Variants in DIAPH2 observed in about 807,000 individuals in gnomAD.
The protein encoded by DIAPH2 is protein diaphanous homolog 2.
DIAPH2 carries 35 observed loss-of-function variants against 92.7 expected under a neutral mutation model. That is an observed-to-expected ratio of 0.38 (90% confidence interval 0.29 to 0.50). The LOEUF (loss-of-function observed/expected upper bound fraction) is 0.50, where lower values mean the gene tolerates loss of function less well. Among genes scored for constraint, DIAPH2 ranks in the 20% least tolerant of loss-of-function variants. DIAPH2 has a pLI of 0.94. For missense variants in DIAPH2, 701 were observed against 819.5 expected, an observed-to-expected ratio of 0.86 and a Z score of 1.77; for synonymous variants, 301 against 280.4, an observed-to-expected ratio of 1.07 and a Z score of -0.73.
intron 22 of DIAPH2, among the ~76,000 whole-genome samples, chrX:97,150,328 A>G (rs112405935): frequency 6.4e-4 from 72 of 112,085 alleles, no homozygotes; most frequent in African/African-American, 2.1e-3. Context: ...AGTAAAAACA[A>G]TATCTTCAGG....
intron 16 of DIAPH2, among the ~76,000 whole-genome samples, chrX:96,962,801 A>G (rs1319697964): frequency 1.8e-5 from 2 of 108,541 alleles, no homozygotes; most frequent in Admixed American, 9.9e-5. Context: ...CATTTTGTTA[A>G]TTGTTTTCTG....
chrX:97,275,457 C>T (rs879171332), intron 23 of DIAPH2, among the ~76,000 whole-genome samples: 1 of 101,341 alleles, frequency 9.9e-6, no homozygotes, highest in African/African-American at 3.4e-5. Flanking sequence ...GGCTGCCGGG[C>T]GGAGACGCTC....
chrX:97,009,509 G>A (rs754884015), intron 17 of DIAPH2, among the ~76,000 whole-genome samples: 17 of 112,044 alleles, frequency 1.5e-4, no homozygotes, highest in African/African-American at 4.5e-4. Flanking sequence ...CTCCCTGTAG[G>A]CATCAAAGCT....
chrX:96,979,550 A>G (rs1231415188), intron 17 of DIAPH2, among the ~76,000 whole-genome samples: 1 of 112,335 alleles, frequency 8.9e-6, no homozygotes, highest in Non-Finnish European at 1.9e-5. Context: ...TATTTAGATG[A>G]CACTTCCATC....
chrX:97,132,876 G>T (rs1019456805), intron 21 of DIAPH2, among the ~76,000 whole-genome samples: 1 of 111,166 alleles, frequency 9.0e-6, no homozygotes, highest in Non-Finnish European at 1.9e-5. Flanking sequence ...ATGTTGCTAT[G>T]TGTTAGGAAT....
intron 24 of DIAPH2, among the ~76,000 whole-genome samples, chrX:97,373,269 A>G (rs1406030273): frequency 9.0e-6 from 1 of 110,588 alleles, no homozygotes; most frequent in Non-Finnish European, 1.9e-5. Context: ...GAAACTTACC[A>G]TTCGAAAGTG....
At chrX:97,525,700 A>G (rs1287642629) in intron 26 of DIAPH2, among the ~76,000 whole-genome samples, 1 of 112,438 alleles carries the variant, frequency 8.9e-6, no homozygotes, top group Admixed American at 9.4e-5. Flanking sequence ...ATATCAAAGA[A>G]TACAATATTC....
At chrX:97,275,606 C>T (rs1407793245) in intron 23 of DIAPH2, among the ~76,000 whole-genome samples, 12 of 104,077 alleles carry the variant, frequency 1.2e-4, no homozygotes, top group South Asian at 4.5e-4. Flanking sequence ...TCAGACGGGG[C>T]GGCCGGGCGG....
intron 17 of DIAPH2, among the ~76,000 whole-genome samples, chrX:97,017,524 A>G (rs2066268632): frequency 8.9e-6 from 1 of 112,086 alleles, no homozygotes; most frequent in African/African-American, 3.2e-5. Flanking sequence ...TGTTCAATGT[A>G]AGTTCCACTG....
chrX:96,786,730 A>G lies in DIAPH2; in HGVS notation c.447+28472A>G, dbSNP rs768982912. On this transcript the variant is annotated intron_variant, in intron 4 of 26. Transcript: ENST00000324765. ...ATCCTTTTACTTTACTCCAGCAATA[A>G]TTTAATGTTTTGTTTTGCATACTAG... is the stretch of plus-strand genomic sequence containing the variant. Among the ~76,000 whole-genome samples the G allele has an allele frequency of 3.6e-5, 4 of 111,750 alleles. No individual in the cohort carries two copies. In the Admixed American group the frequency reaches 3.8e-4, roughly 11 times the overall value.
At chrX:97,084,486 A>C (rs936606601) in intron 19 of DIAPH2, among the ~76,000 whole-genome samples, 1 of 111,278 alleles carries the variant, frequency 9.0e-6, no homozygotes, top group African/African-American at 3.3e-5. Context: ...AATTATCAGC[A>C]GGGTGATAAT....
At chrX:96,811,691 T>G (rs1318679910) in intron 4 of DIAPH2, among the ~76,000 whole-genome samples, 1 of 111,930 alleles carries the variant, frequency 8.9e-6, no homozygotes, top group African/African-American at 3.3e-5. Context: ...TTGAGATACA[T>G]TCTGTCAATA....
intron 19 of DIAPH2, among the ~76,000 whole-genome samples, chrX:97,095,102 T>A (rs937836887): frequency 8.3e-5 from 2 of 24,084 alleles, no homozygotes; most frequent in East Asian, 9.8e-4. Context: ...CTTTTTCTTT[T>A]TTTTTTTTTT....
intron 4 of DIAPH2, 142 bp downstream of exon 4, chrX:96,758,400 T>A (rs1439869706): frequency 5.4e-6 from 2 of 369,351 alleles, no homozygotes; most frequent in Non-Finnish European, 9.1e-6. Context: ...ATATATGTTA[T>A]ACATTTAGTA....
chrX:97,268,553 G>A (rs1569345980), intron 23 of DIAPH2, among the ~76,000 whole-genome samples: 1 of 112,202 alleles, frequency 8.9e-6, no homozygotes, highest in Non-Finnish European at 1.9e-5. Context: ...TTGTTGTGGT[G>A]TGGTCTATTG....
At chrX:97,048,703 G>A (rs1272507527) in intron 17 of DIAPH2, among the ~76,000 whole-genome samples, 1 of 110,984 alleles carries the variant, frequency 9.0e-6, no homozygotes, top group Non-Finnish European at 1.9e-5. Context: ...TTGGCACTCA[G>A]CATTCTACTG....
chrX:96,983,684 TGAGA>T (rs937769478), intron 17 of DIAPH2, among the ~76,000 whole-genome samples: 4 of 111,124 alleles, frequency 3.6e-5, no homozygotes, highest in Non-Finnish European at 5.7e-5. Context: ...TAAGGTTTAT[TGAGA>T]GAGAGAGAGA....
chrX:97,422,114 T>C (rs1207302443), intron 25 of DIAPH2, among the ~76,000 whole-genome samples: 1 of 111,686 alleles, frequency 9.0e-6, no homozygotes, highest in East Asian at 2.8e-4. Context: ...AATATCATGA[T>C]TGTGGTGGTA....
chrX:96,891,586 T>C (rs1039564424), intron 5 of DIAPH2, among the ~76,000 whole-genome samples: 1 of 112,225 alleles, frequency 8.9e-6, no homozygotes, highest in Non-Finnish European at 1.9e-5. Context: ...TGGCAATACA[T>C]TTTATGAAGA....
Sources: allele counts gnomAD v4.1 joint callset (sites outside exome capture counted in the v4.1 genomes callset), GRCh38; gene constraint gnomAD v4.1.1; transcripts MANE v1.5; gene names NCBI Gene and HGNC (gene_info 2026-07-23, HGNC 2026-07-21).